Variants in ELAPOR2 observed in about 807,000 individuals in gnomAD.
ELAPOR2 encodes endosome-lysosome associated apoptosis and autophagy regulator family member 2, also known as endosome/lysosome-associated apoptosis and autophagy regulator family member 2.
A neutral mutation model predicts 120.7 loss-of-function variants in ELAPOR2; 89 were observed. The ratio of observed to expected loss-of-function variants is 0.74; its 90% CI spans 0.62 to 0.88. The LOEUF is 0.88. ELAPOR2 is among the 40% of genes least tolerant of loss of function. ELAPOR2 has a pLI of 0.00. For synonymous variants in ELAPOR2, 444 were observed against 444.9 expected (o/e 1.00, Z 0.03); for missense variants, 1,134 against 1,251.6 (o/e 0.91, Z 1.42).
Position 86,913,206 on chromosome 7 carries a change from T to TA in ELAPOR2, c.1732-3dup, listed in dbSNP as rs540452931. The TA allele has an allele frequency of 1.3e-4, 209 of 1,610,490 alleles. No individual in the cohort carries two copies. In the African/African-American group the frequency reaches 1.8e-3, roughly 14 times the overall value. Reference sequence around the variant, plus strand: ...CATGTCATTGATGAACCGTCTATTCTAAAAAAAAGAGCATAAAGTAATGAC... The same window carrying TA: ...CATGTCATTGATGAACCGTCTATTCTAAAAAAAAAGAGCATAAAGTAATGAC... On this transcript the variant is annotated splice_region_variant and splice_polypyrimidine_tract_variant and intron_variant, in intron 13 of 21. Coordinates refer to ENST00000450689, the MANE Select transcript of ELAPOR2 (RefSeq NM_001142749.3).
chr7:87,005,794 TGTTAAA>T, intron 1 of ELAPOR2, among the ~76,000 whole-genome samples: 1 of 152,332 alleles, frequency 6.6e-6, no homozygotes, highest in East Asian at 1.9e-4. Flanking sequence ...TAGGCTTCAG[TGTTAAA>T]GTTAAAACTA....
At chr7:86,917,357 C>A (rs1207041166) in intron 12 of ELAPOR2, among the ~76,000 whole-genome samples, 1 of 152,018 alleles carries the variant, frequency 6.6e-6, no homozygotes, top group Non-Finnish European at 1.5e-5. Flanking sequence ...GCAGAGGTTG[C>A]AGTGAGCCGA....
intron 15 of ELAPOR2, among the ~76,000 whole-genome samples, chr7:86,910,677 A>G (rs2116067070): frequency 6.6e-6 from 1 of 152,282 alleles, no homozygotes; most frequent in East Asian, 1.9e-4. Flanking sequence ...AAAATTGTTT[A>G]AATATAATAT....
intron 21 of ELAPOR2, among the ~76,000 whole-genome samples, chr7:86,890,480 C>T (rs115930671): frequency 0.011 from 1,693 of 152,136 alleles, 27 homozygotes; most frequent in African/African-American, 0.039. Context: ...TCCTGTAATG[C>T]AACCAAGTGA....
At chr7:87,024,276 G>A (rs562529314) in intron 1 of ELAPOR2, among the ~76,000 whole-genome samples, 40 of 152,238 alleles carry the variant, frequency 2.6e-4, no homozygotes, top group South Asian at 4.2e-4. Context: ...AGCATGAAGC[G>A]TTGTTGAATT....
At chr7:86,952,736 TATATC>T (rs370664455) in intron 2 of ELAPOR2, among the ~76,000 whole-genome samples, 149 of 152,278 alleles carry the variant, frequency 9.8e-4, no homozygotes, top group African/African-American at 3.5e-3. Context: ...ATAAAGGAGA[TATATC>T]ATATAAAGCA....
chr7:86,978,768 G>C (rs927766849), intron 1 of ELAPOR2, among the ~76,000 whole-genome samples: 6 of 152,154 alleles, frequency 3.9e-5, no homozygotes, highest in Non-Finnish European at 8.8e-5. Context: ...TATCTTGTAA[G>C]GCTATAGGAA....
At chr7:86,904,288 G>T (rs948898338) in intron 18 of ELAPOR2, among the ~76,000 whole-genome samples, 2 of 152,100 alleles carry the variant, frequency 1.3e-5, no homozygotes, top group Non-Finnish European at 2.9e-5. Context: ...TGGACACAAT[G>T]CTTAGGTCTA....
At chr7:87,012,983 A>G (rs982938532) in intron 1 of ELAPOR2, among the ~76,000 whole-genome samples, 2 of 152,196 alleles carry the variant, frequency 1.3e-5, no homozygotes, top group Non-Finnish European at 2.9e-5. Context: ...GCACAAAATC[A>G]TGCTATTGCA....
chr7:86,895,213 CAAT>C (rs930261048), intron 19 of ELAPOR2, among the ~76,000 whole-genome samples: 10 of 152,020 alleles, frequency 6.6e-5, no homozygotes, highest in Admixed American at 1.3e-4. Context: ...TATTCACTGA[CAAT>C]AAAAAATGCA....
At chr7:86,911,752 T>C in intron 15 of ELAPOR2, 1 of 503,182 alleles carries the variant, frequency 2.0e-6, no homozygotes, top group South Asian at 1.5e-5. Context: ...AATAACTTCC[T>C]GCCTAAAGAG....
rs1036609407 is a variant in ELAPOR2, at chr7:86,877,215, T to C, written c.*3256A>G. The C allele has an allele frequency of 6.6e-6, 1 of 152,172 alleles. No homozygotes were observed. The highest frequency in any genetic ancestry group is 2.4e-5 in the African/African-American group (1 of 41,450). The allele number at this position is 152,172 out of a possible 1,614,324, so 9.4% of individuals were successfully genotyped here. On this transcript the variant is annotated 3_prime_UTR_variant, in exon 22 of 22. Coordinates refer to ENST00000450689, the MANE Select transcript of ELAPOR2 (RefSeq NM_001142749.3). ...CATTTATGATTCTAAAAGGAACTCATGTAAAAATGTTAAAATAAAAGTAAA... is the reference window on the plus strand; with the variant it reads ...CATTTATGATTCTAAAAGGAACTCACGTAAAAATGTTAAAATAAAAGTAAA...
At chr7:86,941,361 G>A (rs751683042) in intron 5 of ELAPOR2, 2 of 532,708 alleles carry the variant, frequency 3.8e-6, no homozygotes, top group African/African-American at 3.9e-5. Flanking sequence ...CCTGGTAATT[G>A]CCTTCAAGCA....
chr7:87,053,794 A>G (rs1449059266), intron 1 of ELAPOR2, among the ~76,000 whole-genome samples: 1 of 152,188 alleles, frequency 6.6e-6, no homozygotes, highest in Non-Finnish European at 1.5e-5. Context: ...ATGTTCTCTC[A>G]CCATCACCCA....
chr7:86,983,035 C>A (rs1016868111), intron 1 of ELAPOR2, among the ~76,000 whole-genome samples: 14 of 152,080 alleles, frequency 9.2e-5, no homozygotes, highest in African/African-American at 3.4e-4. Context: ...AATGACGTGA[C>A]ACATGCACAA....
intron 18 of ELAPOR2, among the ~76,000 whole-genome samples, chr7:86,899,556 C>A (rs1234703638): frequency 2.0e-5 from 3 of 152,054 alleles, no homozygotes; most frequent in Admixed American, 1.3e-4. Context: ...CTATAATATT[C>A]AGTCTAACAG....
intron 1 of ELAPOR2, among the ~76,000 whole-genome samples, chr7:87,019,679 A>G (rs1490956462): frequency 6.6e-6 from 1 of 152,208 alleles, no homozygotes; most frequent in African/African-American, 2.4e-5. Flanking sequence ...CAGACACTCA[A>G]ATATTGCTGG....
chr7:87,042,213 G>T (rs1477020743), intron 1 of ELAPOR2, among the ~76,000 whole-genome samples: 3 of 150,824 alleles, frequency 2.0e-5, no homozygotes, highest in Non-Finnish European at 2.9e-5. Context: ...GAGACAGAAA[G>T]TCAACAAGGA....
At chr7:87,017,818 G>A (rs1369861818) in intron 1 of ELAPOR2, among the ~76,000 whole-genome samples, 8 of 152,102 alleles carry the variant, frequency 5.3e-5, no homozygotes, top group African/African-American at 1.4e-4. Flanking sequence ...CTACTCAGAA[G>A]GCTGAGGTGG....
Sources: gnomAD v4.1 joint callset for allele counts (sites outside exome capture counted in the v4.1 genomes callset) on GRCh38, gnomAD v4.1.1 for gene constraint, MANE v1.5 for transcripts, NCBI Gene and HGNC (gene_info 2026-07-23, HGNC 2026-07-21) for gene names.